The following ESR2 variants were observed in gnomAD, a reference collection of about 807,000 sequenced individuals.
The protein encoded by ESR2 is estrogen receptor 2.
ESR2 carries 36 observed loss-of-function variants against 49.6 expected under a neutral mutation model. That is an observed-to-expected ratio of 0.73 (90% CI 0.56 to 0.96). The LOEUF (loss-of-function observed/expected upper bound fraction) is 0.96. Among genes scored for constraint, ESR2 ranks in the 40% least tolerant of loss-of-function variants. The pLI is 0.00. For synonymous variants in ESR2, 320 were observed against 266.1 expected (o/e 1.20, Z -1.97); for missense variants, 714 against 693.0 (o/e 1.03, Z -0.34).
chr14:64,281,642 CCT>C (rs954862854), intron 2 of ESR2, among the ~76,000 whole-genome samples: 2 of 152,016 alleles, frequency 1.3e-5, no homozygotes, highest in Non-Finnish European at 2.9e-5. Flanking sequence ...TTTATCTCCC[CCT>C]CTCCTTTCTC....
At chr14:64,278,342 C>T (rs1049731776) in intron 3 of ESR2, among the ~76,000 whole-genome samples, 1 of 152,164 alleles carries the variant, frequency 6.6e-6, no homozygotes, top group Admixed American at 6.5e-5. Flanking sequence ...AAAGAGGCTG[C>T]CATTCATACA....
At chr14:64,284,770 G>A (rs956138916) in intron 1 of ESR2, among the ~76,000 whole-genome samples, 2 of 151,846 alleles carry the variant, frequency 1.3e-5, no homozygotes, top group African/African-American at 2.4e-5. Context: ...ACTCATCAAG[G>A]CACATTGGCT....
rs72548754 is a variant in ESR2, at chr14:64,250,872, C to G, written c.1092-1193G>C. On this transcript the variant is annotated intron_variant, in intron 6 of 8. Transcript: ENST00000341099. ...TTCCGAAGCACTCACACTCTCCCACCCAGACTCGCTCACACAGAGCTACAA... is the reference window on the plus strand; with the variant it reads ...TTCCGAAGCACTCACACTCTCCCACGCAGACTCGCTCACACAGAGCTACAA... Among the ~76,000 whole-genome samples the G allele has an allele frequency of 1.7e-3, 257 of 152,296 alleles. 1 individual carries two copies. Among genetic ancestry groups the G allele is most frequent in the African/African-American group, 6.0e-3 (249 of 41,564 alleles).
chr14:64,334,696 C>T (rs2077507276), intron 1 of ESR2, among the ~76,000 whole-genome samples: 2 of 152,204 alleles, frequency 1.3e-5, no homozygotes, highest in Admixed American at 6.5e-5. Context: ...GCCCAGACTA[C>T]GGTGCAATGG....
intron 1 of ESR2, among the ~76,000 whole-genome samples, chr14:64,309,434 A>C (rs1163775667): frequency 6.6e-6 from 1 of 151,870 alleles, no homozygotes; most frequent in African/African-American, 2.4e-5. Context: ...CAACATAGTG[A>C]AACCCTATCT....
chr14:64,313,628 G>A (rs190347265), intron 1 of ESR2, among the ~76,000 whole-genome samples: 1,741 of 151,610 alleles, frequency 0.011, 38 homozygotes, highest in African/African-American at 0.04. Flanking sequence ...GGTGGCTCAC[G>A]CCTGTAATCC....
At chr14:64,244,217 G>A (rs984639442) in intron 7 of ESR2, among the ~76,000 whole-genome samples, 1 of 151,990 alleles carries the variant, frequency 6.6e-6, no homozygotes, top group Non-Finnish European at 1.5e-5. Flanking sequence ...TGTCTAATGT[G>A]GTGAAACCCC....
intron 5 of ESR2, among the ~76,000 whole-genome samples, chr14:64,257,951 G>C (rs1327867922): frequency 6.6e-6 from 1 of 152,110 alleles, no homozygotes; most frequent in African/African-American, 2.4e-5. Flanking sequence ...ATATAGCCAA[G>C]CACACCTGTA....
At chr14:64,235,225 C>T (rs774626445) in intron 7 of ESR2, 75 bp from the exon 8 acceptor site, 43 of 1,499,308 alleles carry the variant, frequency 2.9e-5, no homozygotes, top group South Asian at 3.6e-5. Flanking sequence ...CTGTTCCGTG[C>T]GCCTGCTCCG....
chr14:64,266,547 TA>T (rs1345115906), intron 4 of ESR2, among the ~76,000 whole-genome samples: 1 of 152,246 alleles, frequency 6.6e-6, no homozygotes, highest in East Asian at 1.9e-4. Context: ...AATCATTTTT[TA>T]AACACACACA....
intron 1 of ESR2, among the ~76,000 whole-genome samples, chr14:64,307,497 G>A (rs888182180): frequency 1.3e-5 from 2 of 151,686 alleles, no homozygotes; most frequent in Admixed American, 6.6e-5. Context: ...ACAGGCATGA[G>A]CCACCACACC....
chr14:64,310,282 C>CAAAAAAAAAAAAAAAAAAAAAAAAAA (rs35325527), intron 1 of ESR2, among the ~76,000 whole-genome samples: 1 of 109,136 alleles, frequency 9.2e-6, no homozygotes, highest in African/African-American at 4.5e-5. Context: ...GACGTCGTCT[C>CAAAAAAAAAAAAAAAAAAAAAAAAAA]AAAAAATAAT....
chr14:64,241,163 A>AAAAAAAAG, intron 7 of ESR2, among the ~76,000 whole-genome samples: 1 of 132,874 alleles, frequency 7.5e-6, no homozygotes, highest in African/African-American at 2.7e-5. Flanking sequence ...AAAAAAAAAA[A>AAAAAAAAG]AAAAAAAGAT....
downstream of ESR2, chr14:64,228,047 T>G: frequency 1.4e-6 from 2 of 1,424,214 alleles, no homozygotes; most frequent in Non-Finnish European, 1.8e-6. Context: ...ACACAGGACC[T>G]GTGGTCATAA....
Position 64,280,223 on chromosome 14 carries a change from A to AG in ESR2, c.363-71_363-70insC, listed in dbSNP as rs1596450208. 2.6e-6 allele frequency: 3 copies of AG among 1,146,620 alleles called. No individual in the cohort carries two copies. The East Asian group carries it at 7.1e-5, about 27-fold the overall frequency. 71.0% of individuals were successfully genotyped at this position (1,146,620 alleles called of 1,614,324 possible). ...AAGGAAGGGCTTTCTAGGAAAAAAA[A>AG]ATAGCATGAACATTGCCTAATTTAA... On this transcript the variant is annotated intron_variant, in intron 2 of 8. Coordinates refer to ENST00000341099, the MANE Select transcript of ESR2 (RefSeq NM_001437.3).
chr14:64,232,195 C>G lies in ESR2; in HGVS notation c.*942G>C, dbSNP rs1241277675. ...CATCCACAGCCCAAAGTATCCCTGA[C>G]TACTTGTGGTGACTGATGGGGCAAT... On this transcript the variant is annotated 3_prime_UTR_variant, in exon 9 of 9. Coordinates refer to ENST00000341099, the MANE Select transcript of ESR2 (RefSeq NM_001437.3). The G allele has an allele frequency of 3.9e-5, 6 of 152,256 alleles. No individual in the cohort carries two copies. Among genetic ancestry groups the G allele is most frequent in the African/African-American group, 1.4e-4 (6 of 41,444 alleles). 9.4% of individuals were successfully genotyped at this position (152,256 alleles called of 1,614,324 possible).
intron 1 of ESR2, among the ~76,000 whole-genome samples, chr14:64,304,698 G>A (rs1003826229): frequency 6.6e-6 from 1 of 151,816 alleles, no homozygotes; most frequent in Non-Finnish European, 1.5e-5. Context: ...GTGAGACCAT[G>A]TCTCTGCAAA....
rs543310306 is a variant in ESR2 at position 64,234,984 on chromosome 14, G to T, written c.1392C>A (p.His464Gln). Reference sequence around the variant, plus strand: ...AGGGCGCGTACCTCGCATGCCTGACGTGGGACAGGAGCATCAGGAGGTTAG... The same window carrying T: ...AGGGCGCGTACCTCGCATGCCTGACTTGGGACAGGAGCATCAGGAGGTTAG... ...RLANLLMLLS[H>Q]VRHASNKGME... is the part of the protein sequence containing the mutation. Residue 464 changes from histidine to glutamine, a missense_variant, in exon 8 of 9, where the codon CAC becomes CAA. Physicochemically the swap from His to Gln is conservative, Grantham distance 24 (BLOSUM62 0). Transcript: ENST00000341099. 1 of 1,614,144 alleles carries T rather than the reference G, an allele frequency of 6.2e-7. No homozygotes were observed. The highest frequency in any genetic ancestry group is 1.1e-5 in the South Asian group (1 of 91,086).
At chr14:64,227,991 G>A (rs757462620), downstream of ESR2, 7 of 1,556,558 alleles carry the variant, frequency 4.5e-6, no homozygotes, top group East Asian at 2.3e-5. Context: ...CCAAATAATC[G>A]ATGCACTGGA....
Sources: gnomAD v4.1 joint callset for allele counts (sites outside exome capture counted in the v4.1 genomes callset) on GRCh38, gnomAD v4.1.1 for gene constraint, MANE v1.5 for transcripts, NCBI Gene and HGNC (gene_info 2026-07-23, HGNC 2026-07-21) for gene names.